The following BCL2L13 variants were observed in gnomAD, a reference collection of about 807,000 sequenced individuals.
BCL2L13 encodes BCL2 like 13.
In BCL2L13, 13 loss-of-function variants were observed where a neutral mutation model predicts 25.8. The observed-to-expected ratio is 0.50, with a 90% CI of 0.33 to 0.80. BCL2L13 has a LOEUF of 0.80. Among genes scored for constraint, BCL2L13 ranks in the 30% least tolerant of loss-of-function variants. The pLI is 0.02. For synonymous variants in BCL2L13, 244 were observed against 230.3 expected (o/e 1.06, Z -0.54); for missense variants, 504 against 574.9 (o/e 0.88, Z 1.26).
At position 17,725,601 on chromosome 22, in the gene BCL2L13, A is replaced by G. The variant is rs1204600904; in HGVS notation, c.601-1076A>G. On this transcript the variant is annotated intron_variant, in intron 6 of 6. Coordinates refer to ENST00000317582, the MANE Select transcript of BCL2L13 (RefSeq NM_015367.4). ...ATGAACTCTTAATGGCACTTGGACT[A>G]TGACATAGCATTATTTGTATACCCT... Among the ~76,000 whole-genome samples the G allele has an allele frequency of 3.9e-5, 6 of 152,314 alleles. No individual in the cohort carries two copies. The East Asian group carries it at 9.6e-4, about 24-fold the overall frequency.
intron 2 of BCL2L13, among the ~76,000 whole-genome samples, chr22:17,657,956 G>A (rs2058938184): frequency 6.7e-6 from 1 of 150,180 alleles, no homozygotes; most frequent in African/African-American, 2.5e-5. Flanking sequence ...CCGAGTAGCT[G>A]GGATTACAGG....
intron 2 of BCL2L13, among the ~76,000 whole-genome samples, chr22:17,666,307 ACAT>A (rs2059232407): frequency 6.6e-6 from 1 of 152,176 alleles, no homozygotes; most frequent in Admixed American, 6.6e-5. Context: ...ACAAATAAAC[ACAT>A]CATAGGGAAT....
At position 17,730,706 on chromosome 22, in the gene BCL2L13, A is replaced by G. The variant is rs1212764632; in HGVS notation, c.*3172A>G. 6.6e-6 allele frequency: 1 copy of G among 152,162 alleles called. No homozygotes were observed. Among genetic ancestry groups the G allele is most frequent in the Non-Finnish European group, 1.5e-5 (1 of 68,030 alleles). 9.4% of individuals were successfully genotyped at this position (152,162 alleles called of 1,614,324 possible). A position where few individuals can be genotyped will look rare whatever the true frequency, so the allele number is the denominator to read the frequency against. On this transcript the variant is annotated 3_prime_UTR_variant, in exon 7 of 7. Transcript: ENST00000317582. ...TGAGGTGGTGATCATACCCATCAAG[A>G]CGGCCTTGTAGGCTATCTGATTGCT...
upstream of BCL2L13, among the ~76,000 whole-genome samples, chr22:17,634,667 G>C (rs962156986): frequency 9.9e-5 from 15 of 152,278 alleles, no homozygotes; most frequent in African/African-American, 3.6e-4. Flanking sequence ...GATTGGCCAG[G>C]CGTGGTGGCT....
intron 6 of BCL2L13, among the ~76,000 whole-genome samples, chr22:17,717,380 C>CAAATAAAAAAAAAAAAAAAAAAAAA (rs2060974567): frequency 7.9e-6 from 1 of 126,256 alleles, no homozygotes; most frequent in African/African-American, 3.5e-5. Flanking sequence ...GACTCTGTCT[C>CAAATAAAAAAAAAAAAAAAAAAAAA]AAAAAAGATC....
rs559490687 is a variant in BCL2L13 at position 17,710,470 on chromosome 22, C to T, written c.600+8084C>T. 9.7e-4 allele frequency among the ~76,000 whole-genome samples: 147 copies of T among 152,144 alleles called. 1 individual carries two copies. In the Middle Eastern group the frequency reaches 0.014, roughly 14 times the overall value. ...TGGCGCACACCTGTAATCTTAGCTG[C>T]TCCGGAGGCTGAGGCAGGGGAATCG... On this transcript the variant is annotated intron_variant, in intron 6 of 6. Coordinates refer to ENST00000317582, the MANE Select transcript of BCL2L13 (RefSeq NM_015367.4).
chr22:17,703,692 TAA>T (rs1423058506), intron 6 of BCL2L13: 2 of 152,230 alleles, frequency 1.3e-5, no homozygotes, highest in Non-Finnish European at 2.9e-5. Context: ...ACGTGCTTGG[TAA>T]ATGCTTACTG....
At chr22:17,633,344 C>T (rs2058059332) in intron 1 of BCL2L13, among the ~76,000 whole-genome samples, 1 of 152,156 alleles carries the variant, frequency 6.6e-6, no homozygotes, top group Non-Finnish European at 1.5e-5. Context: ...ACAGAGATAA[C>T]CTCTGAAGGG....
Position 17,689,981 on chromosome 22 carries a change from A to C in BCL2L13, c.386+839A>C, listed in dbSNP as rs1471208755. ...TTCTCTCCTAGCTATGGTTCTGACC[A>C]TATTAAAGCTAAAGGCAAGAAGCTA... On this transcript the variant is annotated intron_variant, in intron 4 of 6. Transcript: ENST00000317582. Among the ~76,000 whole-genome samples the C allele has an allele frequency of 3.3e-5, 5 of 152,186 alleles. No individual in the cohort carries two copies. The East Asian group carries it at 9.6e-4, about 29-fold the overall frequency.
chr22:17,662,403 G>A (rs1415699001), intron 2 of BCL2L13, among the ~76,000 whole-genome samples: 2 of 152,130 alleles, frequency 1.3e-5, no homozygotes, highest in Admixed American at 6.6e-5. Flanking sequence ...GCGTGAACCC[G>A]GGAGGCAGAG....
chr22:17,629,075 A>C (rs1182157742), intron 1 of BCL2L13: 1 of 163,830 alleles, frequency 6.1e-6, no homozygotes, highest in Admixed American at 5.9e-5. Context: ...TTAGGGGTAC[A>C]TGATTGTTGG....
intron 3 of BCL2L13, among the ~76,000 whole-genome samples, chr22:17,687,121 C>T (rs761640545): frequency 4.0e-5 from 6 of 151,854 alleles, no homozygotes; most frequent in South Asian, 2.1e-4. Flanking sequence ...TAGGAGTAAG[C>T]GTTAGATTAA....
chr22:17,695,539 CTT>C (rs1359686584), intron 4 of BCL2L13, among the ~76,000 whole-genome samples: 1 of 152,118 alleles, frequency 6.6e-6, no homozygotes, highest in African/African-American at 2.4e-5. Flanking sequence ...CCAGGATAGT[CTT>C]GATCTCCTGA....
chr22:17,708,780 A>G (rs1380820289), intron 6 of BCL2L13, among the ~76,000 whole-genome samples: 1 of 152,216 alleles, frequency 6.6e-6, no homozygotes, highest in Admixed American at 6.5e-5. Context: ...TACTCTCAAC[A>G]ACACAAATAT....
intron 3 of BCL2L13, among the ~76,000 whole-genome samples, chr22:17,688,030 C>T (rs148594755): frequency 0.018 from 2,737 of 151,012 alleles, 78 homozygotes; most frequent in African/African-American, 0.062. Context: ...GTTGGTCAAG[C>T]TGGTCTCGAA....
rs546393774 is a variant in BCL2L13, at chr22:17,652,768, G to GA, written c.-50-2888dup. ...ATTTCTTGAATACCATATTGAAAGT[G>GA]AAAAAACAGAGTGAGGCCAGGCGCG... On this transcript the variant is annotated intron_variant, in intron 1 of 6. Coordinates refer to ENST00000317582, the MANE Select transcript of BCL2L13 (RefSeq NM_015367.4). Among the ~76,000 whole-genome samples, 36 of 152,090 alleles carry GA rather than the reference G, an allele frequency of 2.4e-4. No homozygotes were observed. The East Asian group carries it at 6.2e-3, about 26-fold the overall frequency.
At chr22:17,654,324 C>T (rs1242149909) in intron 1 of BCL2L13, among the ~76,000 whole-genome samples, 2 of 152,102 alleles carry the variant, frequency 1.3e-5, no homozygotes, top group African/African-American at 4.8e-5. Flanking sequence ...GTTGTCAGGC[C>T]GGTTTCAAGC....
At chr22:17,647,176 G>A (rs11704486) in intron 1 of BCL2L13, among the ~76,000 whole-genome samples, 23,587 of 151,024 alleles carry the variant, frequency 0.16, 2,192 homozygotes, top group Non-Finnish European at 0.21. Context: ...GGGTTTCACC[G>A]TGTTAGCCAG....
At chr22:17,691,919 A>G (rs372984491) in intron 4 of BCL2L13, among the ~76,000 whole-genome samples, 8 of 152,184 alleles carry the variant, frequency 5.3e-5, no homozygotes, top group African/African-American at 1.9e-4. Flanking sequence ...CCAAATCTTG[A>G]TAGAATTATT....
Sources: allele counts gnomAD v4.1 joint callset (sites outside exome capture counted in the v4.1 genomes callset), GRCh38; gene constraint gnomAD v4.1.1; transcripts MANE v1.5; gene names NCBI Gene and HGNC (gene_info 2026-07-23, HGNC 2026-07-21).